The following PRKCH variants were observed in gnomAD, a reference collection of about 807,000 sequenced individuals.
PRKCH encodes protein kinase C eta, also known as protein kinase C eta type.
A neutral mutation model predicts 82.5 loss-of-function variants in PRKCH; 28 were observed. That is an observed-to-expected ratio of 0.34 (90% CI 0.25 to 0.47). The LOEUF is 0.47. Ranked by LOEUF, PRKCH falls within the 20% of genes least tolerant of loss-of-function variation. PRKCH has a pLI of 1.00. For synonymous variants in PRKCH, 322 were observed against 327.4 expected, an observed-to-expected ratio of 0.98 and a Z score of 0.18; for missense variants, 705 against 881.8, an observed-to-expected ratio of 0.80 and a Z score of 2.54.
intron 1 of PRKCH, among the ~76,000 whole-genome samples, chr14:61,309,230 C>T (rs1045799913): frequency 6.6e-6 from 1 of 152,056 alleles, no homozygotes; most frequent in African/African-American, 2.4e-5. Flanking sequence ...TGCAGTGAGC[C>T]GTGATTGTGC....
intron 2 of PRKCH, among the ~76,000 whole-genome samples, chr14:61,435,379 C>T (rs1883627469): frequency 6.6e-6 from 1 of 152,208 alleles, no homozygotes; most frequent in African/African-American, 2.4e-5. Flanking sequence ...GAAGACGTCT[C>T]TAAGGTTGTT....
intron 1 of PRKCH, among the ~76,000 whole-genome samples, chr14:61,216,917 A>G (rs185217031): frequency 6.6e-6 from 1 of 152,312 alleles, no homozygotes; most frequent in East Asian, 1.9e-4. Context: ...ACGGTTGCAT[A>G]CTGTGGAATA....
intron 12 of PRKCH, among the ~76,000 whole-genome samples, chr14:61,540,043 C>CT (rs1227434474): frequency 2.6e-5 from 4 of 152,224 alleles, no homozygotes; most frequent in Admixed American, 6.5e-5. Context: ...GCCGACAGCT[C>CT]TTTGAGTATT....
intron 2 of PRKCH, among the ~76,000 whole-genome samples, chr14:61,413,302 G>A (rs986675446): frequency 2.6e-5 from 4 of 151,316 alleles, no homozygotes; most frequent in African/African-American, 9.7e-5. Flanking sequence ...TCAAACGACT[G>A]CAAACCCTTG....
chr14:61,493,416 C>G (rs932119713), intron 10 of PRKCH, among the ~76,000 whole-genome samples: 24 of 152,152 alleles, frequency 1.6e-4, no homozygotes, highest in Non-Finnish European at 5.9e-5. Context: ...TGAGTCAGCT[C>G]CCTTTAAGGG....
intron 2 of PRKCH, among the ~76,000 whole-genome samples, chr14:61,417,966 T>C (rs1438714313): frequency 6.6e-6 from 1 of 152,190 alleles, no homozygotes; most frequent in Non-Finnish European, 1.5e-5. Flanking sequence ...ACCTACTGAT[T>C]AAACTTGAAA....
intron 1 of PRKCH, among the ~76,000 whole-genome samples, chr14:61,333,953 C>T (rs1452311639): frequency 6.6e-6 from 1 of 152,092 alleles, no homozygotes; most frequent in Non-Finnish European, 1.5e-5. Context: ...TGGTCTGGGT[C>T]CCCGTGACCC....
At chr14:61,213,753 G>A (rs573171933) in intron 1 of PRKCH, among the ~76,000 whole-genome samples, 14 of 152,192 alleles carry the variant, frequency 9.2e-5, no homozygotes, top group Non-Finnish European at 1.3e-4. Context: ...ATTTCTCCCT[G>A]CACCTGGGTC....
intron 1 of PRKCH, among the ~76,000 whole-genome samples, chr14:61,234,942 T>C (rs1273718940): frequency 6.6e-6 from 1 of 152,180 alleles, no homozygotes; most frequent in Admixed American, 6.5e-5. Flanking sequence ...TTATTGGCAT[T>C]TTGTGTCCCA....
chr14:61,464,758 G>A (rs1346541758), intron 9 of PRKCH, among the ~76,000 whole-genome samples: 1 of 152,178 alleles, frequency 6.6e-6, no homozygotes, highest in African/African-American at 2.4e-5. Context: ...TGGTGTATAT[G>A]TGCTACATTT....
At chr14:61,278,975 TCACACACACACACACA>T (rs71117806) in intron 1 of PRKCH, 4 of 140,238 alleles carry the variant, frequency 2.9e-5, no homozygotes, top group South Asian at 2.5e-4. Flanking sequence ...CCCTTTCTAA[TCACACACACACACACA>T]CACACACACA....
At position 61,549,810 on chromosome 14, in the gene PRKCH, G is replaced by A. The variant is rs1301962355; in HGVS notation, c.2031G>A (p.Val677=). 2 of 1,613,984 alleles carry A rather than the reference G, an allele frequency of 1.2e-6. No individual in the cohort carries two copies. The highest frequency in any genetic ancestry group is 1.7e-6 in the Non-Finnish European group (2 of 1,179,994). Residue 677 remains valine (V), a synonymous_variant, in exon 14 of 14, where the codon GTG becomes GTA. Transcript: ENST00000332981. The part of the protein sequence containing the change: ...NQDEFRNFSY[V]SPELQP Reference sequence around the variant, plus strand: ...ATGAGTTTAGAAACTTTTCCTATGTGTCTCCAGAATTGCAACCATAGCCTT... The same window carrying A: ...ATGAGTTTAGAAACTTTTCCTATGTATCTCCAGAATTGCAACCATAGCCTT...
In PRKCH at chr14:61,239,602, G is replaced by A. The variant is rs554582943; in HGVS notation, c.-19+51934G>A. 7.2e-5 allele frequency among the ~76,000 whole-genome samples: 11 copies of A among 152,344 alleles called. No homozygotes were observed. The South Asian group carries it at 2.3e-3, about 32-fold the overall frequency. Reference sequence around the variant, plus strand: ...ATGTGCTCTTGCGCCTTGGGACTGGGCCTGAGAAGGGAGGAGTTATTCATT... The same window carrying A: ...ATGTGCTCTTGCGCCTTGGGACTGGACCTGAGAAGGGAGGAGTTATTCATT... On this transcript the variant is annotated intron_variant, in intron 1 of 3. Transcript: ENST00000555185.
intron 1 of PRKCH, among the ~76,000 whole-genome samples, chr14:61,253,215 C>T (rs1034202175): frequency 6.6e-6 from 1 of 152,118 alleles, no homozygotes; most frequent in Non-Finnish European, 1.5e-5. Context: ...TTAAGAGCTC[C>T]GTATATTCTG....
chr14:61,532,294 A>G (rs979027811), intron 12 of PRKCH, among the ~76,000 whole-genome samples: 1 of 152,228 alleles, frequency 6.6e-6, no homozygotes, highest in African/African-American at 2.4e-5. Context: ...AAAGGTCACT[A>G]GGCTTGGTAC....
At chr14:61,189,087 C>T (rs2044390262) in intron 1 of PRKCH, among the ~76,000 whole-genome samples, 1 of 152,220 alleles carries the variant, frequency 6.6e-6, no homozygotes, top group Admixed American at 6.5e-5. Context: ...GATCGAAAGA[C>T]GATCTGCTCC....
chr14:61,310,997 C>A (rs2045519611), intron 1 of PRKCH, among the ~76,000 whole-genome samples: 1 of 152,238 alleles, frequency 6.6e-6, no homozygotes. Context: ...GCTGAAGCAG[C>A]AGTGCATGGG....
chr14:61,330,071 T>G (rs1014051728), intron 1 of PRKCH, among the ~76,000 whole-genome samples: 2 of 152,206 alleles, frequency 1.3e-5, no homozygotes, highest in African/African-American at 4.8e-5. Flanking sequence ...AGGACACACA[T>G]GACCCATTCT....
chr14:61,231,646 G>A (rs760576314), intron 1 of PRKCH, among the ~76,000 whole-genome samples: 16 of 152,186 alleles, frequency 1.1e-4, no homozygotes, highest in Non-Finnish European at 2.1e-4. Flanking sequence ...TGCTGGGATT[G>A]CAGGTGTGAG....
Sources: gnomAD v4.1 joint callset for allele counts (sites outside exome capture counted in the v4.1 genomes callset) on GRCh38, gnomAD v4.1.1 for gene constraint, MANE v1.5 for transcripts, NCBI Gene and HGNC (gene_info 2026-07-23, HGNC 2026-07-21) for gene names.